The following GRM1 variants were observed in gnomAD, a reference collection of about 807,000 sequenced individuals.
GRM1 encodes the protein metabotropic glutamate receptor 1.
GRM1 carries 33 observed loss-of-function variants against 90.9 expected under a neutral mutation model. The ratio of observed to expected loss-of-function variants is 0.36; its 90% CI spans 0.28 to 0.49. The LOEUF is 0.49. Ranked by LOEUF, GRM1 falls within the 20% of genes least tolerant of loss-of-function variation. The pLI is 0.99. For missense variants in GRM1, 1,190 were observed against 1,534.3 expected (o/e 0.78, Z 3.75); for synonymous variants, 700 against 613.2 (o/e 1.14, Z -2.09).
intron 2 of GRM1, among the ~76,000 whole-genome samples, chr6:146,201,559 G>T (rs1779297665): frequency 6.6e-6 from 1 of 152,022 alleles, no homozygotes; most frequent in Non-Finnish European, 1.5e-5. Context: ...TCTCTTTTAG[G>T]GACACTAATT....
intron 2 of GRM1, among the ~76,000 whole-genome samples, chr6:146,183,938 A>C (rs1197031703): frequency 2.0e-5 from 3 of 152,224 alleles, no homozygotes; most frequent in African/African-American, 7.2e-5. Context: ...CAGGAACTAC[A>C]GCAATAATCA....
intron 1 of GRM1, among the ~76,000 whole-genome samples, chr6:146,087,117 C>T (rs140388835): frequency 2.0e-3 from 300 of 152,168 alleles, no homozygotes; most frequent in African/African-American, 6.0e-3. Flanking sequence ...TCTCAGATAG[C>T]GGCATGTATT....
At chr6:146,161,869 A>G (rs1777741171) in intron 2 of GRM1, among the ~76,000 whole-genome samples, 1 of 152,210 alleles carries the variant, frequency 6.6e-6, no homozygotes, top group Non-Finnish European at 1.5e-5. Context: ...ATATGAGTTC[A>G]TAAGGAGCTG....
intron 7 of GRM1, among the ~76,000 whole-genome samples, chr6:146,425,770 A>G (rs13199588): frequency 0.011 from 1,644 of 152,320 alleles, 42 homozygotes; most frequent in Non-Finnish European, 9.5e-3. Flanking sequence ...TGACAGCCAG[A>G]CAGCTTTATC....
At position 146,111,665 on chromosome 6, in the gene GRM1, G is replaced by A. The variant is rs557062653; in HGVS notation, c.701-47683G>A. Among the ~76,000 whole-genome samples, 6 of 152,262 alleles carry A rather than the reference G, an allele frequency of 3.9e-5. No individual in the cohort carries two copies. The South Asian group carries it at 1.0e-3, about 26-fold the overall frequency. On this transcript the variant is annotated intron_variant, in intron 1 of 7. Coordinates refer to ENST00000282753, the MANE Select transcript of GRM1 (RefSeq NM_001278064.2). Reference sequence around the variant, plus strand: ...GATAACTTAAGGCTTGAGATAGCCTGGTTTATTAGAGGAATAGAGAGAAGG... The same window carrying A: ...GATAACTTAAGGCTTGAGATAGCCTAGTTTATTAGAGGAATAGAGAGAAGG...
chr6:146,271,642 C>A (rs1782167278), intron 2 of GRM1, among the ~76,000 whole-genome samples: 1 of 152,140 alleles, frequency 6.6e-6, no homozygotes, highest in Non-Finnish European at 1.5e-5. Context: ...CATAGAATTG[C>A]ATTTTCTTAA....
intron 2 of GRM1, among the ~76,000 whole-genome samples, chr6:146,232,361 C>G (rs939565645): frequency 6.6e-6 from 1 of 151,990 alleles, no homozygotes; most frequent in Non-Finnish European, 1.5e-5. Context: ...ATGTCATAAT[C>G]TCCCCTTGTT....
At position 146,273,454 on chromosome 6, in the gene GRM1, T is replaced by C. The variant is rs545384956; in HGVS notation, c.951-31157T>C. ...AGCCAAAGCACTGCAAAAGAATCTATGATTATTTCTTAAATAACTTTTTGT... is the reference window on the plus strand; with the variant it reads ...AGCCAAAGCACTGCAAAAGAATCTACGATTATTTCTTAAATAACTTTTTGT... On this transcript the variant is annotated intron_variant, in intron 2 of 7. Transcript: ENST00000282753. Among the ~76,000 whole-genome samples, 3 of 152,334 alleles carry C rather than the reference T, an allele frequency of 2.0e-5. No homozygotes were observed. The East Asian group carries it at 5.8e-4, about 29-fold the overall frequency.
intron 1 of GRM1, among the ~76,000 whole-genome samples, chr6:146,088,790 G>C (rs1776626587): frequency 6.6e-6 from 1 of 152,082 alleles, no homozygotes; most frequent in South Asian, 2.1e-4. Flanking sequence ...TATAAAAGAG[G>C]CCTATGGAAT....
At chr6:146,097,718 A>G (rs1776918873) in intron 1 of GRM1, among the ~76,000 whole-genome samples, 1 of 152,218 alleles carries the variant, frequency 6.6e-6, no homozygotes, top group Admixed American at 6.5e-5. Context: ...GTCCTCTGCT[A>G]TCGCAGTTTC....
chr6:146,114,283 G>C (rs1416822312), intron 1 of GRM1, among the ~76,000 whole-genome samples: 1 of 152,100 alleles, frequency 6.6e-6, no homozygotes, highest in Admixed American at 6.5e-5. Context: ...AATACTCAAA[G>C]TTACAAAGAG....
intron 1 of GRM1, among the ~76,000 whole-genome samples, chr6:146,126,310 G>A (rs565844660): frequency 3.3e-5 from 5 of 152,066 alleles, no homozygotes; most frequent in Non-Finnish European, 7.4e-5. Flanking sequence ...AAATATAAAG[G>A]AAAGAAAGAG....
chr6:146,071,117 G>A (rs560112901), intron 1 of GRM1, among the ~76,000 whole-genome samples: 127 of 152,202 alleles, frequency 8.3e-4, no homozygotes, highest in African/African-American at 2.9e-3. Context: ...TTTGCATCAA[G>A]TTTATTATTA....
chr6:146,434,114 T>C lies in GRM1; in HGVS notation c.2903T>C (p.Phe968Ser), dbSNP rs767062062. Residue 968 changes from phenylalanine to serine, a missense_variant, in exon 8 of 8, where the codon TTT becomes TCT. This residue lies in a region of GRM1 where 400 missense variants were observed against 360.8 expected (regional missense o/e 1.11). Transcript: ENST00000282753. ...GAGGAGGATGCCCAGCCGATTCGCTTTAGCCCGCCTGGTAGCCCTTCCATG... is the reference window on the plus strand; with the variant it reads ...GAGGAGGATGCCCAGCCGATTCGCTCTAGCCCGCCTGGTAGCCCTTCCATG... ...EEEEDAQPIRFSPPGSPSMVV... is the reference protein window; with the variant it reads ...EEEEDAQPIRSSPPGSPSMVV... 1 of 1,614,040 alleles carries C rather than the reference T, an allele frequency of 6.2e-7. No homozygotes were observed. Among genetic ancestry groups the C allele is most frequent in the Non-Finnish European group, 8.5e-7 (1 of 1,179,976 alleles).
At position 146,435,025 on chromosome 6, in the gene GRM1, A is replaced by G; in HGVS notation, c.*229A>G. Reference sequence around the variant, plus strand: ...GGATTCGGATTCTTGAATTACTCGAAGCCTTCTCTGGGAAGAAAGGGAATT... The same window carrying G: ...GGATTCGGATTCTTGAATTACTCGAGGCCTTCTCTGGGAAGAAAGGGAATT... On this transcript the variant is annotated 3_prime_UTR_variant, in exon 8 of 8. Transcript: ENST00000282753. 1 of 606,736 alleles carries G rather than the reference A, an allele frequency of 1.6e-6. No homozygotes were observed. 37.6% of individuals were successfully genotyped at this position (606,736 alleles called of 1,614,324 possible).
intron 2 of GRM1, among the ~76,000 whole-genome samples, chr6:146,228,515 G>A (rs1780330826): frequency 6.6e-6 from 1 of 152,118 alleles, no homozygotes; most frequent in Admixed American, 6.6e-5. Flanking sequence ...CTGTTACAGT[G>A]GCAATGAAAT....
chr6:146,187,517 A>G (rs1009121593), intron 2 of GRM1, among the ~76,000 whole-genome samples: 10 of 152,010 alleles, frequency 6.6e-5, no homozygotes, highest in African/African-American at 2.4e-4. Context: ...ATGTCATTTA[A>G]GTGTCTTAGA....
At chr6:146,419,481 G>A (rs2223770) in intron 7 of GRM1, among the ~76,000 whole-genome samples, 1,951 of 152,266 alleles carry the variant, frequency 0.013, 45 homozygotes, top group African/African-American at 0.045. Flanking sequence ...CACGGGACAA[G>A]CACTAATAGT....
chr6:146,144,207 A>G (rs767608730), intron 1 of GRM1, among the ~76,000 whole-genome samples: 12 of 152,162 alleles, frequency 7.9e-5, no homozygotes, highest in Non-Finnish European at 1.6e-4. Context: ...TTCTGCTCAT[A>G]AAGAGTGTGA....
Sources: gnomAD v4.1 joint callset for allele counts (sites outside exome capture counted in the v4.1 genomes callset) on GRCh38, gnomAD v4.1.1 for gene constraint, gnomAD v4.1.1 regional missense constraint, MANE v1.5 for transcripts, NCBI Gene and HGNC (gene_info 2026-07-23, HGNC 2026-07-21) for gene names.